Variants in TAFA5 observed in about 807,000 individuals in gnomAD.
TAFA5 encodes the protein TAFA chemokine like family member 5.
A neutral mutation model predicts 15.3 loss-of-function variants in TAFA5; 6 were observed. The observed-to-expected ratio is 0.39, with a 90% CI of 0.21 to 0.77. TAFA5 has a LOEUF of 0.77. Ranked by LOEUF, TAFA5 falls within the 30% of genes least tolerant of loss-of-function variation. The pLI, the probability that TAFA5 is intolerant of heterozygous loss-of-function variation, is 0.41. For missense variants in TAFA5, 161 were observed against 193.1 expected (o/e 0.83, Z 0.98); for synonymous variants, 103 against 80.7 (o/e 1.28, Z -1.48).
In TAFA5 at chr22:48,747,886, G is replaced by T. The variant is rs80108531; in HGVS notation, c.391-1953G>T. Reference sequence around the variant, plus strand: ...TACTTCAGCCTGGGTAGCAGAGCAAGACTCTGTCTAAAAAAAAAAAAAAAA... The same window carrying T: ...TACTTCAGCCTGGGTAGCAGAGCAATACTCTGTCTAAAAAAAAAAAAAAAA... On this transcript the variant is annotated intron_variant, in intron 3 of 3. Coordinates refer to ENST00000402357, the MANE Select transcript of TAFA5 (RefSeq NM_001082967.3). Among the ~76,000 whole-genome samples the T allele has an allele frequency of 1.3e-3, 156 of 117,888 alleles. 1 individual carries two copies. The East Asian group carries it at 0.032, about 24-fold the overall frequency. 77.3% of individuals were successfully genotyped at this position (117,888 alleles called of 152,430 possible). A position where few individuals can be genotyped will look rare whatever the true frequency, so the allele number is the denominator to read the frequency against.
chr22:48,538,731 C>A (rs570062655), intron 1 of TAFA5, among the ~76,000 whole-genome samples: 31 of 152,308 alleles, frequency 2.0e-4, no homozygotes, highest in African/African-American at 7.2e-4. Context: ...CAAACTCAAC[C>A]TCCGGAGCTC....
chr22:48,605,335 G>A (rs1470060231), intron 1 of TAFA5, among the ~76,000 whole-genome samples: 2 of 109,440 alleles, frequency 1.8e-5, no homozygotes, highest in East Asian at 6.2e-4. Flanking sequence ...TGATGGTGAT[G>A]ATGGTGATGG....
intron 1 of TAFA5, among the ~76,000 whole-genome samples, chr22:48,581,365 C>T (rs529569320): frequency 5.3e-5 from 8 of 152,346 alleles, no homozygotes; most frequent in East Asian, 1.9e-4. Flanking sequence ...ACTGCACACT[C>T]GGGAGGATTG....
intron 2 of TAFA5, among the ~76,000 whole-genome samples, chr22:48,667,641 C>A (rs1452098071): frequency 1.3e-5 from 2 of 152,184 alleles, no homozygotes; most frequent in Non-Finnish European, 2.9e-5. Context: ...AATTCAATTT[C>A]TCTTATATTC....
chr22:48,604,459 C>T (rs1925085770), intron 1 of TAFA5, among the ~76,000 whole-genome samples: 2 of 152,212 alleles, frequency 1.3e-5, no homozygotes, highest in Admixed American at 6.5e-5. Flanking sequence ...GGCTCCCGCC[C>T]AGCAGGGACT....
chr22:48,604,881 C>G (rs969082229), intron 1 of TAFA5, among the ~76,000 whole-genome samples: 1 of 151,962 alleles, frequency 6.6e-6, no homozygotes, highest in Non-Finnish European at 1.5e-5. Flanking sequence ...GTGCATTTTC[C>G]TTTTAGATTC....
intron 1 of TAFA5, among the ~76,000 whole-genome samples, chr22:48,620,640 C>T (rs1271293661): frequency 1.4e-5 from 2 of 140,556 alleles, no homozygotes; most frequent in African/African-American, 5.3e-5. Flanking sequence ...CCATCCTATC[C>T]ACCCACCCAC....
At chr22:48,655,844 T>TG (rs1927222464) in intron 2 of TAFA5, among the ~76,000 whole-genome samples, 1 of 137,090 alleles carries the variant, frequency 7.3e-6, no homozygotes, top group African/African-American at 2.8e-5. Flanking sequence ...TTTTTTTTTT[T>TG]TTTTTTTTTT....
chr22:48,525,617 G>A (rs1921754616), intron 1 of TAFA5, among the ~76,000 whole-genome samples: 1 of 152,192 alleles, frequency 6.6e-6, no homozygotes, highest in Non-Finnish European at 1.5e-5. Flanking sequence ...TTCCCTGGGG[G>A]CTTGTGGACC....
At chr22:48,556,003 G>T (rs1923024926) in intron 1 of TAFA5, among the ~76,000 whole-genome samples, 1 of 152,184 alleles carries the variant, frequency 6.6e-6, no homozygotes, top group Non-Finnish European at 1.5e-5. Context: ...TGTCCTGTGG[G>T]CAGAGTCTTC....
At chr22:48,506,971 G>C (rs188455291) in intron 1 of TAFA5, among the ~76,000 whole-genome samples, 3 of 152,216 alleles carry the variant, frequency 2.0e-5, no homozygotes, top group Non-Finnish European at 4.4e-5. Context: ...CACAGCAGAG[G>C]GGGGACTGGG....
At chr22:48,632,216 G>A (rs1050046792) in intron 1 of TAFA5, among the ~76,000 whole-genome samples, 1 of 152,162 alleles carries the variant, frequency 6.6e-6, no homozygotes, top group South Asian at 2.1e-4. Context: ...ACCGCCACGG[G>A]CCCTGCCTGC....
intron 1 of TAFA5, among the ~76,000 whole-genome samples, chr22:48,515,390 C>G (rs2147103890): frequency 6.6e-6 from 1 of 152,342 alleles, no homozygotes; most frequent in Middle Eastern, 3.4e-3. Flanking sequence ...TGTCTGTCCG[C>G]TGTCCTGCCT....
Position 48,530,360 on chromosome 22 carries a change from G to A in TAFA5, c.112+40656G>A, listed in dbSNP as rs1921931324. Among the ~76,000 whole-genome samples, 1 of 152,204 alleles carries A rather than the reference G, an allele frequency of 6.6e-6. No individual in the cohort carries two copies. Among genetic ancestry groups the A allele is most frequent in the Admixed American group, 6.5e-5 (1 of 15,288 alleles). On this transcript the variant is annotated intron_variant, in intron 1 of 3. Transcript: ENST00000402357. This position sits in a 1 kb window ranked among gnomAD's most constrained non-coding sequence, Gnocchi z 6.0. ...GAAGGAACCTCTGGAGGGCACAGGG[G>A]CCATCACCTGCTGGAGCCCAGAGAA... is the stretch of plus-strand genomic sequence containing the variant.
chr22:48,501,009 T>TC (rs149477169), intron 1 of TAFA5, among the ~76,000 whole-genome samples: 5,860 of 152,232 alleles, frequency 0.038, 384 homozygotes, highest in African/African-American at 0.13. Flanking sequence ...GGCCACTGTG[T>TC]CCCTGTCACC....
intron 2 of TAFA5, among the ~76,000 whole-genome samples, chr22:48,670,217 T>C (rs1286286786): frequency 6.6e-6 from 1 of 152,246 alleles, no homozygotes; most frequent in Non-Finnish European, 1.5e-5. Flanking sequence ...CCTGTGCGCC[T>C]TGGGAGTCAG....
In TAFA5 at chr22:48,687,285, C is replaced by T. The variant is rs117279535; in HGVS notation, c.263-20432C>T. Among the ~76,000 whole-genome samples the T allele has an allele frequency of 2.7e-3, 366 of 133,230 alleles. 9 individuals carry two copies. In the East Asian group the frequency reaches 0.06, roughly 22 times the overall value. 87.4% of individuals were successfully genotyped at this position (133,230 alleles called of 152,430 possible). On this transcript the variant is annotated intron_variant, in intron 2 of 3. Transcript: ENST00000402357. ...GGTGGGTGGATGAATGGATGGTGGACGGATGGATGGGTGGATGGGTGGGTG... is the reference window on the plus strand; with the variant it reads ...GGTGGGTGGATGAATGGATGGTGGATGGATGGATGGGTGGATGGGTGGGTG...
chr22:48,674,056 C>CTT (rs374078404), intron 2 of TAFA5, among the ~76,000 whole-genome samples: 56,191 of 151,118 alleles, frequency 0.37, 12,123 homozygotes, highest in African/African-American at 0.61. Context: ...CTGGACTCCT[C>CTT]TGCCCGCCTC....
At chr22:48,576,471 G>T in intron 1 of TAFA5, 1 of 1,446,718 alleles carries the variant, frequency 6.9e-7, no homozygotes, top group Non-Finnish European at 9.2e-7. Flanking sequence ...GGCCGAGTTG[G>T]GACTCCGCGA....
Sources: gnomAD v4.1 joint callset for allele counts (sites outside exome capture counted in the v4.1 genomes callset) on GRCh38, gnomAD v4.1.1 for gene constraint, Gnocchi (gnomAD v3.1) non-coding constraint, MANE v1.5 for transcripts, NCBI Gene and HGNC (gene_info 2026-07-23, HGNC 2026-07-21) for gene names.